GLYATL2: variants seen among roughly 807,000 people sequenced by gnomAD.
GLYATL2 encodes the protein glycine N-acyltransferase-like protein 2.
In GLYATL2, 25 loss-of-function variants were observed where a neutral mutation model predicts 21.4. That is an observed-to-expected ratio of 1.17 (90% CI 0.85 to 1.63). GLYATL2 has a LOEUF of 1.63. Among genes scored for constraint, GLYATL2 ranks in the 40% most tolerant of loss-of-function variants. The probability of loss-of-function intolerance (pLI) is 0.00; values close to 1 mark genes in which losing one functional copy is unlikely to be tolerated. For synonymous variants in GLYATL2, 114 were observed against 118.2 expected, an observed-to-expected ratio of 0.96 and a Z score of 0.23; for missense variants, 361 against 343.3, an observed-to-expected ratio of 1.05 and a Z score of -0.41.
upstream of GLYATL2, among the ~76,000 whole-genome samples, chr11:58,849,278 G>GA (rs1853697419): frequency 2.6e-5 from 4 of 151,854 alleles, no homozygotes; most frequent in South Asian, 8.3e-4. Context: ...AAGTACACAC[G>GA]AACAGACAGA....
intron 1 of GLYATL2, among the ~76,000 whole-genome samples, chr11:58,841,553 G>A (rs1444667932): frequency 1.3e-5 from 2 of 152,070 alleles, no homozygotes; most frequent in South Asian, 2.1e-4. Context: ...CCATTCCACC[G>A]GACAGAAACA....
intron 2 of GLYATL2, 33 bp downstream of exon 2, chr11:58,839,502 T>C: frequency 7.2e-7 from 1 of 1,395,794 alleles, no homozygotes; most frequent in South Asian, 1.2e-5. Flanking sequence ...AACTCAACCC[T>C]CTCTCTCCTT....
chr11:58,834,389 T>C lies in GLYATL2; in HGVS notation c.*40A>G, dbSNP rs765831846. ...ATGCTTGTGTTTGAATTAATGTTTT[T>C]TTACTGATAAGAAAGATTTGAAATG... On this transcript the variant is annotated 3_prime_UTR_variant, in exon 6 of 6. Coordinates refer to ENST00000287275, the MANE Select transcript of GLYATL2 (RefSeq NM_145016.4). 1.3e-6 allele frequency: 2 copies of C among 1,497,738 alleles called. No individual in the cohort carries two copies. The highest frequency in any genetic ancestry group is 1.8e-6 in the Non-Finnish European group (2 of 1,114,596). The allele number at this position is 1,497,738 out of a possible 1,614,324, so 92.8% of individuals were successfully genotyped here.
At chr11:58,888,049 G>T (rs1426189257) in intron 1 of GLYATL2, among the ~76,000 whole-genome samples, 1 of 152,066 alleles carries the variant, frequency 6.6e-6, no homozygotes, top group Non-Finnish European at 1.5e-5. Flanking sequence ...GCATCTTATT[G>T]TAGATTTAAT....
intron 1 of GLYATL2, among the ~76,000 whole-genome samples, chr11:58,881,001 T>G (rs558403): frequency 0.89 from 134,729 of 152,154 alleles, 60,859 homozygotes; most frequent in Non-Finnish European, 0.98. Flanking sequence ...TAATCCATGG[T>G]TTACTTCTCT....
chr11:58,850,580 C>T (rs1410106519), intron 1 of GLYATL2, among the ~76,000 whole-genome samples: 1 of 152,066 alleles, frequency 6.6e-6, no homozygotes, highest in Non-Finnish European at 1.5e-5. Context: ...GACCAGAAGA[C>T]GAGAGTGTGA....
intron 5 of GLYATL2, among the ~76,000 whole-genome samples, chr11:58,835,692 C>T (rs769175261): frequency 3.3e-5 from 5 of 152,162 alleles, no homozygotes; most frequent in Non-Finnish European, 5.9e-5. Context: ...TGATCCTGGA[C>T]TTGCTTCCTG....
intron 1 of GLYATL2, among the ~76,000 whole-genome samples, chr11:58,843,230 A>T (rs1853584813): frequency 6.6e-6 from 1 of 152,112 alleles, no homozygotes; most frequent in Non-Finnish European, 1.5e-5. Context: ...AAGAGGTAAA[A>T]TTTTTTCCTA....
chr11:58,837,486 T>C (rs1853459709), intron 3 of GLYATL2, 89 bp from the exon 4 acceptor site: 2 of 1,261,728 alleles, frequency 1.6e-6, no homozygotes, highest in South Asian at 2.7e-5. Context: ...GATTCAATTG[T>C]TTGAAATATT....
intron 1 of GLYATL2, among the ~76,000 whole-genome samples, chr11:58,840,141 T>C (rs1440310021): frequency 6.6e-6 from 1 of 152,044 alleles, no homozygotes; most frequent in Non-Finnish European, 1.5e-5. Context: ...TTGTGTGTAG[T>C]CCCTTTTCTC....
intron 5 of GLYATL2, among the ~76,000 whole-genome samples, chr11:58,836,198 G>A (rs1853428118): frequency 6.6e-6 from 1 of 152,024 alleles, no homozygotes. Context: ...ACAAATGGTA[G>A]CATATTATAT....
chr11:58,840,734 G>A (rs1473342336), intron 1 of GLYATL2: 1 of 151,996 alleles, frequency 6.6e-6, no homozygotes, highest in African/African-American at 2.4e-5. Context: ...AGCTACTCAG[G>A]AGGCTGAGGC....
intron 1 of GLYATL2, among the ~76,000 whole-genome samples, chr11:58,883,704 C>G (rs1447339934): frequency 6.6e-6 from 1 of 152,188 alleles, no homozygotes; most frequent in Non-Finnish European, 1.5e-5. Context: ...GGAATCTTCT[C>G]TAACTCATTT....
At chr11:58,902,824 G>T (rs1419159488) in intron 1 of GLYATL2, among the ~76,000 whole-genome samples, 4 of 152,188 alleles carry the variant, frequency 2.6e-5, no homozygotes, top group Non-Finnish European at 4.4e-5. Flanking sequence ...CAGGGATGCT[G>T]GACAACTTCC....
chr11:58,841,795 C>T (rs777404505), intron 1 of GLYATL2, among the ~76,000 whole-genome samples: 14 of 152,230 alleles, frequency 9.2e-5, no homozygotes, highest in South Asian at 2.1e-4. Flanking sequence ...AAGGAAAGAG[C>T]GACCAAAGCA....
upstream of GLYATL2, among the ~76,000 whole-genome samples, chr11:58,847,100 ACT>A (rs1200547207): frequency 1.3e-5 from 2 of 151,860 alleles, no homozygotes; most frequent in African/African-American, 2.4e-5. Flanking sequence ...CTGGAAGGGA[ACT>A]CTCTGCATTG....
chr11:58,885,362 C>T (rs754922308), intron 1 of GLYATL2: 43 of 319,110 alleles, frequency 1.3e-4, no homozygotes, highest in Middle Eastern at 1.1e-3. Context: ...CCGTTTTTCT[C>T]TTCCTCTTCA....
intron 1 of GLYATL2, among the ~76,000 whole-genome samples, chr11:58,900,903 T>TTAATGGATGTC (rs1854726698): frequency 6.6e-6 from 1 of 151,618 alleles, no homozygotes; most frequent in Non-Finnish European, 1.5e-5. Flanking sequence ...CCATTGGCCT[T>TTAATGGATGTC]AATCTTCACC....
chr11:58,855,849 T>A (rs371914293), intron 1 of GLYATL2, among the ~76,000 whole-genome samples: 62 of 152,230 alleles, frequency 4.1e-4, no homozygotes, highest in African/African-American at 1.4e-3. Context: ...ATGGGCCAGG[T>A]GTGGTGGCTC....
Sources: gnomAD v4.1 joint callset for allele counts (sites outside exome capture counted in the v4.1 genomes callset) on GRCh38, gnomAD v4.1.1 for gene constraint, MANE v1.5 for transcripts, NCBI Gene and HGNC (gene_info 2026-07-23, HGNC 2026-07-21) for gene names.